EPHA6: variants seen among roughly 807,000 people sequenced by gnomAD.
EPHA6 encodes the protein EPH receptor A6, also known as ephrin type-A receptor 6.
In EPHA6, 50 loss-of-function variants were observed where a neutral mutation model predicts 112.0. The observed-to-expected ratio is 0.45, with a 90% CI of 0.36 to 0.56. EPHA6 has a LOEUF of 0.56. Among genes scored for constraint, EPHA6 ranks in the 20% least tolerant of loss-of-function variants. EPHA6 has a pLI of 0.00. For synonymous variants in EPHA6, 529 were observed against 490.7 expected (o/e 1.08, Z -1.03); for missense variants, 1,280 against 1,417.4 (o/e 0.90, Z 1.56).
chr3:97,636,560 C>T (rs1322214611), intron 13 of EPHA6, among the ~76,000 whole-genome samples: 1 of 152,010 alleles, frequency 6.6e-6, no homozygotes, highest in Non-Finnish European at 1.5e-5. Context: ...GAGATATTAT[C>T]AGAGAGCTAT....
chr3:97,185,405 G>T (rs1490302457), intron 3 of EPHA6, among the ~76,000 whole-genome samples: 2 of 152,102 alleles, frequency 1.3e-5, no homozygotes, highest in Non-Finnish European at 2.9e-5. Context: ...AGTGGGTGAA[G>T]GATATGAACA....
intron 3 of EPHA6, among the ~76,000 whole-genome samples, chr3:97,054,799 A>T (rs931756391): frequency 6.6e-6 from 1 of 152,054 alleles, no homozygotes; most frequent in Non-Finnish European, 1.5e-5. Context: ...TCAATTATGT[A>T]TTTCTGTATG....
intron 3 of EPHA6, among the ~76,000 whole-genome samples, chr3:97,138,391 C>A (rs1269181826): frequency 6.6e-6 from 1 of 152,180 alleles, no homozygotes; most frequent in Non-Finnish European, 1.5e-5. Context: ...CACTCTCATG[C>A]ACCTCAAAGA....
intron 1 of EPHA6, among the ~76,000 whole-genome samples, chr3:96,853,880 T>A (rs150446745): frequency 6.6e-6 from 1 of 152,040 alleles, no homozygotes; most frequent in Admixed American, 6.6e-5. Context: ...TTTTAGAACA[T>A]TGGATTTATA....
At position 97,692,881 on chromosome 3, in the gene EPHA6, G is replaced by C. The variant is rs143450735; in HGVS notation, c.2785-27380G>C. Reference sequence around the variant, plus strand: ...TAGATCATTATCCTGTGTGCACTCTGCCATTACCAATGGTTACCTGACCTT... The same window carrying C: ...TAGATCATTATCCTGTGTGCACTCTCCCATTACCAATGGTTACCTGACCTT... On this transcript the variant is annotated intron_variant, in intron 14 of 17. Coordinates refer to ENST00000389672, the MANE Select transcript of EPHA6 (RefSeq NM_001080448.3). Among the ~76,000 whole-genome samples the C allele has an allele frequency of 2.5e-3, 380 of 152,228 alleles. 2 individuals are homozygous for C. Among genetic ancestry groups the C allele is most frequent in the African/African-American group, 8.1e-3 (336 of 41,540 alleles).
intron 13 of EPHA6, among the ~76,000 whole-genome samples, chr3:97,633,686 C>A (rs746878948): frequency 1.3e-5 from 2 of 151,998 alleles, no homozygotes; most frequent in Non-Finnish European, 2.9e-5. Context: ...AACCATTGCA[C>A]CACAAGATAG....
intron 3 of EPHA6, among the ~76,000 whole-genome samples, chr3:97,129,388 G>A: frequency 6.6e-6 from 1 of 152,020 alleles, no homozygotes; most frequent in Non-Finnish European, 1.5e-5. Flanking sequence ...TGTAGTCCCA[G>A]CTACTCAGGA....
chr3:97,642,111 T>A (rs1443867042), intron 14 of EPHA6, among the ~76,000 whole-genome samples: 2 of 138,846 alleles, frequency 1.4e-5, no homozygotes, highest in Non-Finnish European at 3.1e-5. Context: ...GCAGACTGCC[T>A]CCACAAGTGG....
intron 5 of EPHA6, among the ~76,000 whole-genome samples, chr3:97,395,631 T>A (rs900484779): frequency 1.6e-4 from 25 of 151,888 alleles, no homozygotes; most frequent in Non-Finnish European, 4.4e-5. Flanking sequence ...CTTTCTGGTC[T>A]GTATTATTTA....
chr3:97,584,228 C>T (rs910089463), intron 11 of EPHA6, among the ~76,000 whole-genome samples: 10 of 152,084 alleles, frequency 6.6e-5, no homozygotes, highest in African/African-American at 2.4e-4. Context: ...ACCTTGAGCT[C>T]CTACCATGCA....
At position 97,554,392 on chromosome 3, in the gene EPHA6, G is replaced by T. The variant is rs975062123; in HGVS notation, c.2386+21849G>T. Reference sequence around the variant, plus strand: ...TATATATTGTTTTATGAACAAAAATGGAATCATGCTATGCAAGTTAGTTGC... The same window carrying T: ...TATATATTGTTTTATGAACAAAAATTGAATCATGCTATGCAAGTTAGTTGC... On this transcript the variant is annotated intron_variant, in intron 11 of 17. Transcript: ENST00000389672. 3.9e-5 allele frequency among the ~76,000 whole-genome samples: 6 copies of T among 152,114 alleles called. No individual in the cohort carries two copies. The East Asian group carries it at 9.7e-4, about 24-fold the overall frequency.
At chr3:97,113,737 C>T (rs2047796872) in intron 3 of EPHA6, among the ~76,000 whole-genome samples, 1 of 152,012 alleles carries the variant, frequency 6.6e-6, no homozygotes. Context: ...CTCTGCCTTC[C>T]TTCCCCATAA....
At chr3:97,468,882 A>T (rs2091142092) in intron 7 of EPHA6, among the ~76,000 whole-genome samples, 1 of 151,714 alleles carries the variant, frequency 6.6e-6, no homozygotes, top group Non-Finnish European at 1.5e-5. Context: ...GAAACATATT[A>T]TTCTGCCCTC....
chr3:96,874,091 A>T (rs1409493556), intron 2 of EPHA6, among the ~76,000 whole-genome samples: 1 of 152,044 alleles, frequency 6.6e-6, no homozygotes, highest in Non-Finnish European at 1.5e-5. Flanking sequence ...CCACAAATTG[A>T]TTTTCAACAT....
At chr3:97,482,678 TTTTG>T (rs1454032195) in intron 9 of EPHA6, among the ~76,000 whole-genome samples, 1 of 152,240 alleles carries the variant, frequency 6.6e-6, no homozygotes, top group Non-Finnish European at 1.5e-5. Flanking sequence ...CTTTATTACC[TTTTG>T]TTTGTTTGTT....
intron 7 of EPHA6, among the ~76,000 whole-genome samples, chr3:97,458,067 C>CAAAAAA (rs68128372): frequency 5.9e-5 from 3 of 50,576 alleles, no homozygotes; most frequent in African/African-American, 9.0e-5. Context: ...GACTCCGTCT[C>CAAAAAA]AAAAAAAAAA....
At chr3:97,183,814 T>A (rs1260307160) in intron 3 of EPHA6, among the ~76,000 whole-genome samples, 1 of 152,208 alleles carries the variant, frequency 6.6e-6, no homozygotes, top group South Asian at 2.1e-4. Flanking sequence ...TCCTTTTTCA[T>A]TAAATTAACC....
At chr3:97,437,603 AT>A (rs1460934345) in intron 6 of EPHA6, among the ~76,000 whole-genome samples, 2 of 152,158 alleles carry the variant, frequency 1.3e-5, no homozygotes, top group East Asian at 3.8e-4. Flanking sequence ...AACTACTGAC[AT>A]CAGCAGGAAT....
chr3:96,852,591 A>C (rs2035457925), intron 1 of EPHA6, among the ~76,000 whole-genome samples: 1 of 148,388 alleles, frequency 6.7e-6, no homozygotes, highest in Non-Finnish European at 1.5e-5. Flanking sequence ...AAGTTTTTGA[A>C]GTATCTTATC....
Sources: allele counts gnomAD v4.1 joint callset (sites outside exome capture counted in the v4.1 genomes callset), GRCh38; gene constraint gnomAD v4.1.1; transcripts MANE v1.5; gene names NCBI Gene and HGNC (gene_info 2026-07-23, HGNC 2026-07-21).